DLGAP1: variants seen among roughly 807,000 people sequenced by gnomAD.
DLGAP1 encodes the protein disks large-associated protein 1.
In DLGAP1, 11 loss-of-function variants were observed where a neutral mutation model predicts 90.8. The observed-to-expected ratio is 0.12, with a 90% CI of 0.08 to 0.20. The LOEUF (loss-of-function observed/expected upper bound fraction) is 0.20. Among genes scored for constraint, DLGAP1 ranks in the 10% least tolerant of loss-of-function variants. The probability of loss-of-function intolerance (pLI) is 1.00; values close to 1 mark genes in which losing one functional copy is unlikely to be tolerated. For synonymous variants in DLGAP1, 558 were observed against 540.7 expected (o/e 1.03, Z -0.44); for missense variants, 1,050 against 1,333.8 (o/e 0.79, Z 3.31).
At chr18:3,715,290 G>C (rs2061726139) in intron 7 of DLGAP1, among the ~76,000 whole-genome samples, 1 of 152,186 alleles carries the variant, frequency 6.6e-6, no homozygotes, top group Non-Finnish European at 1.5e-5. Context: ...AAAAGAGCAA[G>C]AAAAAGGGAA....
chr18:3,505,830 T>C (rs1319483185), intron 11 of DLGAP1, among the ~76,000 whole-genome samples: 1 of 152,080 alleles, frequency 6.6e-6, no homozygotes, highest in Admixed American at 6.6e-5. Context: ...ACCTAAAATA[T>C]GAGAAGCACA....
At chr18:3,537,331 C>A (rs2052437739) in intron 9 of DLGAP1, among the ~76,000 whole-genome samples, 1 of 152,166 alleles carries the variant, frequency 6.6e-6, no homozygotes, top group Non-Finnish European at 1.5e-5. Flanking sequence ...ACTCTAGGTA[C>A]CTCTTATTGG....
chr18:3,523,616 G>A (rs1279402540), intron 10 of DLGAP1, among the ~76,000 whole-genome samples: 1 of 152,034 alleles, frequency 6.6e-6, no homozygotes, highest in Non-Finnish European at 1.5e-5. Context: ...GGGAGGCCAA[G>A]GAGGGCGGAT....
rs1404129384 is a variant in DLGAP1, at chr18:4,064,653, G to A, written c.-158-59452C>T. 5.9e-5 allele frequency among the ~76,000 whole-genome samples: 9 copies of A among 151,998 alleles called. No homozygotes were observed. In the South Asian group the frequency reaches 8.3e-4, roughly 14 times the overall value. Reference sequence around the variant, plus strand: ...CCCTAGACTGAACCAGGAAGAAACCGAATCCCTGAACAGACTCATAATCAG... The same window carrying A: ...CCCTAGACTGAACCAGGAAGAAACCAAATCCCTGAACAGACTCATAATCAG... On this transcript the variant is annotated intron_variant, in intron 2 of 12. Transcript: ENST00000315677.
At chr18:4,210,381 G>C (rs1296877850) in intron 1 of DLGAP1, among the ~76,000 whole-genome samples, 1 of 152,174 alleles carries the variant, frequency 6.6e-6, no homozygotes, top group Non-Finnish European at 1.5e-5. Flanking sequence ...GATGAAGGTG[G>C]AAATGTACTC....
intron 1 of DLGAP1, among the ~76,000 whole-genome samples, chr18:4,243,378 C>G (rs1276358023): frequency 1.7e-5 from 2 of 119,070 alleles, no homozygotes; most frequent in African/African-American, 5.3e-5. Flanking sequence ...CGGATGGGCA[C>G]AGTCTGAGGA....
At chr18:3,830,796 C>A (rs2067991629) in intron 4 of DLGAP1, among the ~76,000 whole-genome samples, 1 of 152,160 alleles carries the variant, frequency 6.6e-6, no homozygotes, top group Non-Finnish European at 1.5e-5. Context: ...AATCTGTAAG[C>A]AACTTGAGAG....
At chr18:4,362,598 GT>G (rs1363736028) in intron 1 of DLGAP1, among the ~76,000 whole-genome samples, 2 of 152,142 alleles carry the variant, frequency 1.3e-5, no homozygotes, top group African/African-American at 2.4e-5. Context: ...GAAAGTTACT[GT>G]TTAATGGGTA....
chr18:3,618,675 A>G (rs2057972810), intron 7 of DLGAP1, among the ~76,000 whole-genome samples: 1 of 151,144 alleles, frequency 6.6e-6, no homozygotes, highest in African/African-American at 2.4e-5. Flanking sequence ...AGGGTGGCTC[A>G]CGCCTGTAAT....
chr18:4,321,604 T>C (rs1467009509), intron 1 of DLGAP1, among the ~76,000 whole-genome samples: 2 of 152,222 alleles, frequency 1.3e-5, no homozygotes, highest in Non-Finnish European at 2.9e-5. Context: ...ATGCAGATAC[T>C]GAAAACAGGC....
chr18:3,866,845 T>C (rs548690323), intron 4 of DLGAP1, among the ~76,000 whole-genome samples: 1 of 152,312 alleles, frequency 6.6e-6, no homozygotes, highest in South Asian at 2.1e-4. Context: ...GTGTTATTTT[T>C]TATTTTATTT....
rs568810833 is a variant in DLGAP1, at chr18:3,811,026, G to A, written c.1172+3033C>T. Among the ~76,000 whole-genome samples the A allele has an allele frequency of 3.3e-5, 5 of 152,150 alleles. 1 individual carries two copies. In the Middle Eastern group the frequency reaches 0.01, roughly 311 times the overall value. On this transcript the variant is annotated intron_variant, in intron 5 of 12. Transcript: ENST00000315677. The stretch of plus-strand genomic sequence containing the variant: ...TTGCCATGTTGCCCAGGCTGGTCTC[G>A]AACTCCTGGGCCCAAGCAATCTGCC...
At chr18:3,501,949 GAAAA>G (rs36071304) in intron 12 of DLGAP1, among the ~76,000 whole-genome samples, 7 of 109,388 alleles carry the variant, frequency 6.4e-5, no homozygotes, top group Admixed American at 2.9e-4. Context: ...AAACTGTTTT[GAAAA>G]AAAAAAAAAA....
intron 1 of DLGAP1, among the ~76,000 whole-genome samples, chr18:4,446,185 C>T (rs1005502251): frequency 2.6e-5 from 4 of 152,130 alleles, no homozygotes; most frequent in Non-Finnish European, 4.4e-5. Flanking sequence ...TTCACACACT[C>T]GTCCCACTGA....
intron 2 of DLGAP1, among the ~76,000 whole-genome samples, chr18:4,099,605 C>T (rs116352261): frequency 0.014 from 2,130 of 151,784 alleles, 44 homozygotes; most frequent in African/African-American, 0.046. Context: ...AATCTTTTTG[C>T]GGTGAAGGGT....
At chr18:3,505,465 T>C (rs1290440424) in intron 11 of DLGAP1, among the ~76,000 whole-genome samples, 3 of 151,148 alleles carry the variant, frequency 2.0e-5, no homozygotes, top group African/African-American at 7.3e-5. Flanking sequence ...GATGAAACCC[T>C]GTCTCTACTA....
At chr18:4,271,256 C>A (rs1052641848) in intron 1 of DLGAP1, among the ~76,000 whole-genome samples, 1 of 152,168 alleles carries the variant, frequency 6.6e-6, no homozygotes, top group Non-Finnish European at 1.5e-5. Flanking sequence ...ATTTTTGAAG[C>A]TCCCTCCCGA....
intron 1 of DLGAP1, among the ~76,000 whole-genome samples, chr18:4,414,478 C>T (rs2082847837): frequency 6.6e-6 from 1 of 152,096 alleles, no homozygotes; most frequent in Admixed American, 6.5e-5. Context: ...AATCCCAGCA[C>T]TTTGGAAGGC....
At chr18:4,184,560 C>T (rs2077260232) in intron 1 of DLGAP1, among the ~76,000 whole-genome samples, 1 of 151,946 alleles carries the variant, frequency 6.6e-6, no homozygotes, top group Non-Finnish European at 1.5e-5. Flanking sequence ...ACAGACATGC[C>T]GATTTCGTTC....
Sources: gnomAD v4.1 joint callset for allele counts (sites outside exome capture counted in the v4.1 genomes callset) on GRCh38, gnomAD v4.1.1 for gene constraint, MANE v1.5 for transcripts, NCBI Gene and HGNC (gene_info 2026-07-23, HGNC 2026-07-21) for gene names.